The following SPATA13 variants were observed in gnomAD, a reference collection of about 807,000 sequenced individuals.
SPATA13 encodes spermatogenesis-associated protein 13.
In SPATA13, 50 loss-of-function variants were observed where a neutral mutation model predicts 104.0. The observed-to-expected ratio is 0.48, with a 90% confidence interval of 0.38 to 0.61. SPATA13 has a LOEUF of 0.61. SPATA13 is among the 20% of genes least tolerant of loss of function. SPATA13 has a pLI of 0.00. For synonymous variants in SPATA13, 606 were observed against 667.5 expected (o/e 0.91, Z 1.42); for missense variants, 1,524 against 1,690.6 (o/e 0.90, Z 1.73).
intron 2 of SPATA13, among the ~76,000 whole-genome samples, chr13:24,231,800 C>T (rs867475100): frequency 2.0e-5 from 3 of 152,170 alleles, no homozygotes; most frequent in Non-Finnish European, 2.9e-5. Flanking sequence ...GCTATTCCAG[C>T]GGGTGTAGAG....
At chr13:24,056,243 C>T (rs1878537521) in intron 3 of SPATA13, among the ~76,000 whole-genome samples, 2 of 152,148 alleles carry the variant, frequency 1.3e-5, no homozygotes, top group South Asian at 2.1e-4. Context: ...AACAAAGTGT[C>T]CAGAACAGCC....
In SPATA13 at chr13:24,302,639, C is replaced by T; in HGVS notation, c.3700C>T (p.His1234Tyr). The T allele has an allele frequency of 3.7e-6, 6 of 1,613,600 alleles. No homozygotes were observed. Among genetic ancestry groups the T allele is most frequent in the Non-Finnish European group, 5.1e-6 (6 of 1,179,706 alleles). ...TGTGGCCCCACCGCACCAGGGCCTG[C>T]ACCCCATCCACCAGCGCCACATCAC... The part of the protein sequence containing the change: ...CPVAPPHQGL[H>Y]PIHQRHITMP... The change falls in exon 13 of 13, where the codon CAC becomes TAC. Residue 1234 changes from histidine to tyrosine, a missense_variant. Physicochemically the swap from His to Tyr is moderately conservative, Grantham distance 83 (BLOSUM62 2). Coordinates refer to ENST00000382108, the MANE Select transcript of SPATA13 (RefSeq NM_001166271.3).
rs758601067 is a variant in SPATA13 at position 24,298,837 on chromosome 13, GT to G, written c.3583+1104del. On this transcript the variant is annotated intron_variant, in intron 11 of 12. Transcript: ENST00000382108. Reference sequence around the variant, plus strand: ...GCAGTAGAGTTGGAGGGATTTACAAGTTGGTCAGGCTAAAACGGAAGCAGGG... The same window carrying G: ...GCAGTAGAGTTGGAGGGATTTACAAGTGGTCAGGCTAAAACGGAAGCAGGG... 7.2e-5 allele frequency among the ~76,000 whole-genome samples: 11 copies of G among 152,310 alleles called. No individual in the cohort carries two copies. The East Asian group carries it at 2.1e-3, about 29-fold the overall frequency.
chr13:24,223,633 G>A lies in SPATA13; in HGVS notation c.704G>A (p.Cys235Tyr). The A allele has an allele frequency of 1.3e-6, 2 of 1,552,004 alleles. No individual in the cohort carries two copies. Among genetic ancestry groups the A allele is most frequent in the Non-Finnish European group, 1.7e-6 (2 of 1,147,098 alleles). The change falls in exon 2 of 13, where the codon TGT becomes TAT. Residue 235 changes from cysteine to tyrosine, a missense_variant. Transcript: ENST00000382108. ...TIATGQVPAV[C>Y]EILVRDPENN... The stretch of plus-strand genomic sequence containing the variant: ...GCCACTGGCCAGGTGCCCGCCGTGT[G>A]TGAGATTCTCGTGAGGGACCCTGAA...
chr13:24,287,002 AG>A, intron 7 of SPATA13, 52 bp downstream of exon 7: 1 of 1,542,872 alleles, frequency 6.5e-7, no homozygotes, highest in Non-Finnish European at 8.9e-7. Context: ...AGGCTGCATG[AG>A]GTGCCTGGGC....
chr13:24,244,644 G>A (rs1318362952), intron 2 of SPATA13, among the ~76,000 whole-genome samples: 3 of 152,296 alleles, frequency 2.0e-5, no homozygotes, highest in Middle Eastern at 6.8e-3. Context: ...CAGGTGAATT[G>A]CTTGAGCCCA....
intron 3 of SPATA13, among the ~76,000 whole-genome samples, chr13:24,027,533 A>G (rs1326164476): frequency 6.6e-6 from 1 of 151,806 alleles, no homozygotes; most frequent in Non-Finnish European, 1.5e-5. Flanking sequence ...TGTATACTTG[A>G]TCTCTAATTT....
intron 3 of SPATA13, among the ~76,000 whole-genome samples, chr13:24,058,524 G>A (rs1451236368): frequency 6.6e-6 from 1 of 151,668 alleles, no homozygotes; most frequent in Non-Finnish European, 1.5e-5. Flanking sequence ...TATGTCATAG[G>A]GCTACACATT....
Position 24,305,575 on chromosome 13 carries a change from T to C in SPATA13, c.*2802T>C, listed in dbSNP as rs569066575. ...CCTGATTTGAGTCACGTGTTCCACT[T>C]GGAAAGAAAGGGAACAGAGAGCCTC... On this transcript the variant is annotated 3_prime_UTR_variant, in exon 13 of 13. Transcript: ENST00000382108. The C allele has an allele frequency of 6.6e-6, 1 of 152,344 alleles. No homozygotes were observed. The highest frequency in any genetic ancestry group is 2.1e-4 in the South Asian group (1 of 4,832). 9.4% of individuals were successfully genotyped at this position (152,344 alleles called of 1,614,324 possible). A position where few individuals can be genotyped will look rare whatever the true frequency, so the allele number is the denominator to read the frequency against.
At chr13:24,046,130 G>A (rs566620302) in intron 3 of SPATA13, among the ~76,000 whole-genome samples, 1 of 152,020 alleles carries the variant, frequency 6.6e-6, no homozygotes, top group Non-Finnish European at 1.5e-5. Context: ...GCAGAAAAGC[G>A]TCTAAGTCAA....
chr13:24,017,034 C>G (rs1271791726), intron 2 of SPATA13, among the ~76,000 whole-genome samples: 1 of 152,178 alleles, frequency 6.6e-6, no homozygotes, highest in African/African-American at 2.4e-5. Flanking sequence ...TAGTGAGGAG[C>G]GCCCGAAGTG....
chr13:24,085,831 T>C (rs1437677633), intron 3 of SPATA13, among the ~76,000 whole-genome samples: 1 of 152,234 alleles, frequency 6.6e-6, no homozygotes, highest in African/African-American at 2.4e-5. Flanking sequence ...CCTGGCTCTT[T>C]GGTGTTACCT....
intron 2 of SPATA13, among the ~76,000 whole-genome samples, chr13:23,989,619 T>C (rs1188717720): frequency 6.6e-6 from 1 of 152,080 alleles, no homozygotes; most frequent in Non-Finnish European, 1.5e-5. Context: ...ACCCACAGAG[T>C]AACGTCCCAG....
rs539850378 is a variant in SPATA13, at chr13:24,246,106, C to T, written c.1654-3371C>T. Among the ~76,000 whole-genome samples, 207 of 152,194 alleles carry T rather than the reference C, an allele frequency of 1.4e-3. 2 individuals carry two copies. Among genetic ancestry groups the T allele is most frequent in the Non-Finnish European group, 1.6e-3 (107 of 68,018 alleles). On this transcript the variant is annotated intron_variant, in intron 2 of 12. Coordinates refer to ENST00000382108, the MANE Select transcript of SPATA13 (RefSeq NM_001166271.3). Reference sequence around the variant, plus strand: ...AGTGTAAAACCAAAACAAACCAGACCCCAAAAAACTAACTAAAAATAGAAC... The same window carrying T: ...AGTGTAAAACCAAAACAAACCAGACTCCAAAAAACTAACTAAAAATAGAAC...
chr13:24,160,926 G>A lies in SPATA13; in HGVS notation c.-118G>A, dbSNP rs1449647459. The A allele has an allele frequency of 7.1e-6, 7 of 985,664 alleles. No homozygotes were observed. The highest frequency in any genetic ancestry group is 8.4e-6 in the Non-Finnish European group (7 of 830,236). 61.1% of individuals were successfully genotyped at this position (985,664 alleles called of 1,614,324 possible). A position where few individuals can be genotyped will look rare whatever the true frequency, so the allele number is the denominator to read the frequency against. ...TTTGTAGGCTCCGCCAAGAGGCGCC[G>A]CAGGAGGTAAGACGGCTTCGGGCGC... On this transcript the variant is annotated 5_prime_UTR_variant, in exon 1 of 13. Coordinates refer to ENST00000382108, the MANE Select transcript of SPATA13 (RefSeq NM_001166271.3).
At chr13:24,114,021 A>T (rs1292055187) in intron 3 of SPATA13, among the ~76,000 whole-genome samples, 1 of 152,162 alleles carries the variant, frequency 6.6e-6, no homozygotes, top group Non-Finnish European at 1.5e-5. Context: ...AGGGATGAAA[A>T]TGTTTTCTAC....
At chr13:24,240,090 AG>A (rs1451835316) in intron 2 of SPATA13, among the ~76,000 whole-genome samples, 6 of 151,806 alleles carry the variant, frequency 4.0e-5, no homozygotes, top group African/African-American at 1.5e-4. Context: ...GGATCCCTTG[AG>A]CTCAGGAGCT....
Position 24,051,192 on chromosome 13 carries a change from G to T in SPATA13, c.-112+33491G>T, listed in dbSNP as rs1363294492. On this transcript the variant is annotated intron_variant, in intron 3 of 14. Coordinates refer to the SPATA13 transcript ENST00000424834. This position sits in a 1 kb window ranked among gnomAD's most constrained non-coding sequence, Gnocchi z 4.2. Reference sequence around the variant, plus strand: ...TTGGAGACCCTAGTTCTGCTCCCCAGTCTCCACGCAGCACATACCTTGTTG... The same window carrying T: ...TTGGAGACCCTAGTTCTGCTCCCCATTCTCCACGCAGCACATACCTTGTTG... Among the ~76,000 whole-genome samples, 4 of 152,166 alleles carry T rather than the reference G, an allele frequency of 2.6e-5. No individual in the cohort carries two copies. The East Asian group carries it at 5.8e-4, about 22-fold the overall frequency.
intron 3 of SPATA13, among the ~76,000 whole-genome samples, chr13:24,044,744 A>C (rs1471003899): frequency 2.0e-5 from 3 of 152,184 alleles, no homozygotes; most frequent in Admixed American, 1.3e-4. Flanking sequence ...AGTCATTTGC[A>C]ATGTGGATGA....
Sources: gnomAD v4.1 joint callset for allele counts (sites outside exome capture counted in the v4.1 genomes callset) on GRCh38, gnomAD v4.1.1 for gene constraint, Gnocchi (gnomAD v3.1) non-coding constraint, MANE v1.5 for transcripts, NCBI Gene and HGNC (gene_info 2026-07-23, HGNC 2026-07-21) for gene names.